Variants in LYRM4 observed in about 807,000 individuals in gnomAD.
The protein encoded by LYRM4 is LYR motif containing 4.
In LYRM4, 9 loss-of-function variants were observed where a neutral mutation model predicts 11.7. That is an observed-to-expected ratio of 0.77 (90% CI 0.46 to 1.34). LYRM4 has a LOEUF of 1.34. Ranked by LOEUF, LYRM4 falls within the 40% of genes most tolerant of loss-of-function variation. The pLI, the probability that LYRM4 is intolerant of heterozygous loss-of-function variation, is 0.00. For synonymous variants in LYRM4, 42 were observed against 40.4 expected (o/e 1.04, Z -0.15); for missense variants, 133 against 112.5 (o/e 1.18, Z -0.82).
chr6:5,137,696 G>A (rs1017862834), intron 2 of LYRM4, among the ~76,000 whole-genome samples: 1 of 152,128 alleles, frequency 6.6e-6, no homozygotes, highest in Non-Finnish European at 1.5e-5. Flanking sequence ...TGCATCTAAT[G>A]TCCTGTGACT....
At chr6:5,099,391 C>CTCTATCTATCA (rs1554124402), downstream of LYRM4, among the ~76,000 whole-genome samples, 1 of 145,442 alleles carries the variant, frequency 6.9e-6, no homozygotes, top group Non-Finnish European at 1.5e-5. This position sits in a 1 kb window ranked among gnomAD's most constrained non-coding sequence, Gnocchi z 4.3. Context: ...AAATCTATTT[C>CTCTATCTATCA]TCTATCTATC....
At position 5,112,397 on chromosome 6, in the gene LYRM4, A is replaced by G. The variant is rs143730602; in HGVS notation, c.208-2906T>C. Among the ~76,000 whole-genome samples, 676 of 152,354 alleles carry G rather than the reference A, an allele frequency of 4.4e-3. 3 individuals are homozygous for G. The highest frequency in any genetic ancestry group is 0.016 in the African/African-American group (646 of 41,584). On this transcript the variant is annotated intron_variant, in intron 2 of 2. Coordinates refer to ENST00000330636, the MANE Select transcript of LYRM4 (RefSeq NM_020408.6). ...GAGCGAGCGAAGGAATCTGAGCCCA[A>G]TGCACTGAGAGCAAATGGCTCTGCC... is the stretch of plus-strand genomic sequence containing the variant.
chr6:5,187,199 A>C (rs889313713), intron 2 of LYRM4, among the ~76,000 whole-genome samples: 1 of 152,126 alleles, frequency 6.6e-6, no homozygotes, highest in African/African-American at 2.4e-5. Context: ...TAAAGGTGAA[A>C]ATATGTGATC....
At chr6:5,227,943 T>C (rs1316187297) in intron 1 of LYRM4, among the ~76,000 whole-genome samples, 1 of 151,804 alleles carries the variant, frequency 6.6e-6, no homozygotes, top group African/African-American at 2.4e-5. Flanking sequence ...TGAGAACACA[T>C]GGACACAGGG....
chr6:5,157,505 TA>T (rs1758485878), intron 2 of LYRM4, among the ~76,000 whole-genome samples: 1 of 143,432 alleles, frequency 7.0e-6, no homozygotes, highest in African/African-American at 2.7e-5. Context: ...AAACAGTATC[TA>T]AAACTAAAAA....
At chr6:5,234,936 A>G (rs1763452579) in intron 1 of LYRM4, among the ~76,000 whole-genome samples, 2 of 152,066 alleles carry the variant, frequency 1.3e-5, no homozygotes, top group African/African-American at 4.8e-5. Flanking sequence ...AAACCCCCAG[A>G]GCTCAGGTTC....
At chr6:5,085,916 G>T in the LYRM4 span, 1 of 1,530,590 alleles carries the variant, frequency 6.5e-7, no homozygotes, top group South Asian at 1.2e-5. Context: ...AGCCTGGCCA[G>T]CGTGAAGCAC....
chr6:5,136,414 C>A, intron 2 of LYRM4: 4 of 984,964 alleles, frequency 4.1e-6, no homozygotes, highest in Non-Finnish European at 4.8e-6. Flanking sequence ...TACTTAAGAG[C>A]CTGGGGTTTG....
At chr6:5,063,623 G>T in the LYRM4 span, among the ~76,000 whole-genome samples, 1 of 152,182 alleles carries the variant, frequency 6.6e-6, no homozygotes, top group Non-Finnish European at 1.5e-5. Flanking sequence ...ACTGAGCTTG[G>T]CCTGGAGTGA....
chr6:5,244,384 A>G (rs1764045642), intron 1 of LYRM4, among the ~76,000 whole-genome samples: 1 of 152,144 alleles, frequency 6.6e-6, no homozygotes, highest in Non-Finnish European at 1.5e-5. Context: ...TAAGTCAAGG[A>G]GCATCTGTCC....
At chr6:5,206,845 C>T (rs898584595) in intron 2 of LYRM4, among the ~76,000 whole-genome samples, 7 of 151,822 alleles carry the variant, frequency 4.6e-5, no homozygotes, top group African/African-American at 9.7e-5. Flanking sequence ...GAATTCTTAG[C>T]GCCTTTTCAG....
intron 1 of LYRM4, among the ~76,000 whole-genome samples, chr6:5,230,360 A>G (rs1763163914): frequency 2.6e-5 from 4 of 152,170 alleles, no homozygotes. Context: ...TAAAAGTATC[A>G]CTGTGACAGT....
At chr6:5,232,404 C>T (rs1474517173) in intron 1 of LYRM4, among the ~76,000 whole-genome samples, 1 of 152,212 alleles carries the variant, frequency 6.6e-6, no homozygotes, top group Non-Finnish European at 1.5e-5. Flanking sequence ...TTACAGAGAG[C>T]ATGCCTGGCT....
the LYRM4 span, among the ~76,000 whole-genome samples, chr6:5,053,110 A>C: frequency 6.6e-6 from 1 of 152,180 alleles, no homozygotes; most frequent in Non-Finnish European, 1.5e-5. Flanking sequence ...TGAAATGGTT[A>C]AGCAGTCATC....
At chr6:5,135,693 A>T (rs1341403394) in intron 2 of LYRM4, among the ~76,000 whole-genome samples, 1 of 152,200 alleles carries the variant, frequency 6.6e-6, no homozygotes, top group Non-Finnish European at 1.5e-5. Flanking sequence ...TACTCAAAAA[A>T]GCTTTCTAGC....
At chr6:5,215,905 T>G (rs927432484) in intron 2 of LYRM4, among the ~76,000 whole-genome samples, 7 of 152,148 alleles carry the variant, frequency 4.6e-5, no homozygotes, top group Non-Finnish European at 8.8e-5. Context: ...AAAAGGGTGT[T>G]TTTTAGAGAG....
intron 1 of LYRM4, among the ~76,000 whole-genome samples, chr6:5,235,481 T>C (rs1763488542): frequency 6.6e-6 from 1 of 152,238 alleles, no homozygotes; most frequent in African/African-American, 2.4e-5. Flanking sequence ...ACAAGAAATT[T>C]TGGACAATAG....
At chr6:5,054,102 T>A in the LYRM4 span, 1 of 985,362 alleles carries the variant, frequency 1.0e-6, no homozygotes, top group East Asian at 1.1e-4. Flanking sequence ...TAACGCCAGA[T>A]GCCTCTGTCC....
At chr6:5,066,748 T>A in the LYRM4 span, 1 of 753,650 alleles carries the variant, frequency 1.3e-6, no homozygotes, top group South Asian at 1.6e-5. Flanking sequence ...TCAGCCAATC[T>A]CCGATTGGTT....
Sources: gnomAD v4.1 joint callset for allele counts (sites outside exome capture counted in the v4.1 genomes callset) on GRCh38, gnomAD v4.1.1 for gene constraint, Gnocchi (gnomAD v3.1) non-coding constraint, MANE v1.5 for transcripts, NCBI Gene and HGNC (gene_info 2026-07-23, HGNC 2026-07-21) for gene names.